Variants in EXOC7 observed in about 807,000 individuals in gnomAD.
EXOC7 encodes exocyst complex component Exo70.
EXOC7 carries 51 observed loss-of-function variants against 87.6 expected under a neutral mutation model. The ratio of observed to expected loss-of-function variants is 0.58; its 90% confidence interval spans 0.46 to 0.73. The LOEUF (loss-of-function observed/expected upper bound fraction) is 0.73. EXOC7 is among the 30% of genes least tolerant of loss of function. EXOC7 has a pLI of 0.00. For missense variants in EXOC7, 744 were observed against 888.4 expected (o/e 0.84, Z 2.07); for synonymous variants, 327 against 357.1 (o/e 0.92, Z 0.95).
chr17:76,102,506 C>T (rs1265051612), intron 2 of EXOC7, among the ~76,000 whole-genome samples: 1 of 151,536 alleles, frequency 6.6e-6, no homozygotes. Flanking sequence ...GCTAGGAGGC[C>T]GAGGCAGGAG....
chr17:76,085,249 T>G, intron 15 of EXOC7, 65 bp downstream of exon 15: 39 of 1,315,942 alleles, frequency 3.0e-5, no homozygotes, highest in Non-Finnish European at 3.8e-5. Flanking sequence ...CCTGAGGTGC[T>G]GAGAAGGAAG....
intron 6 of EXOC7, 47 bp downstream of exon 6, chr17:76,094,367 C>A: frequency 1.3e-6 from 2 of 1,584,512 alleles, no homozygotes; most frequent in South Asian, 2.3e-5. Flanking sequence ...AGTACAGTCC[C>A]AGTCAGCCTC....
In EXOC7 at chr17:76,081,069, G is replaced by T; in HGVS notation, c.*2579C>A. 1 of 584,884 alleles carries T rather than the reference G, an allele frequency of 1.7e-6. No homozygotes were observed. The allele number at this position is 584,884 out of a possible 1,614,324, so 36.2% of individuals were successfully genotyped here. On this transcript the variant is annotated 3_prime_UTR_variant, in exon 19 of 19. Coordinates refer to ENST00000589210, the MANE Select transcript of EXOC7 (RefSeq NM_001013839.4). ...ACAATGAAAGCTCATCTATGAATCT[G>T]ATAAAGGCCTTCCTTCAACTGGAGA...
In EXOC7 at chr17:76,083,610, C is replaced by T. The variant is rs758117130; in HGVS notation, c.*38G>A. ...ACACTGGTTTATCTGTCCAATGACA[C>T]GCCAGTCTGGTGGAACCAGGCAGGG... is the stretch of plus-strand genomic sequence containing the variant. On this transcript the variant is annotated 3_prime_UTR_variant, in exon 19 of 19. Coordinates refer to ENST00000589210, the MANE Select transcript of EXOC7 (RefSeq NM_001013839.4). 56 of 1,593,160 alleles carry T rather than the reference C, an allele frequency of 3.5e-5. No individual in the cohort carries two copies. Among genetic ancestry groups the T allele is most frequent in the East Asian group, 2.2e-4 (10 of 44,798 alleles).
At chr17:76,103,218 A>C (rs970761959) in intron 2 of EXOC7, 143 bp downstream of exon 2, 1 of 722,962 alleles carries the variant, frequency 1.4e-6, no homozygotes, top group Admixed American at 2.3e-5. Context: ...GAGATGCCAA[A>C]CTGTTGCTAG....
intron 14 of EXOC7, 46 bp downstream of exon 14, chr17:76,085,631 C>T (rs751084534): frequency 3.9e-5 from 63 of 1,613,386 alleles, no homozygotes; most frequent in Non-Finnish European, 3.8e-5. Context: ...GCTGCACAGC[C>T]GAGGGGAAGG....
chr17:76,082,270 AC>A lies in EXOC7; in HGVS notation c.*1377del. ...CCCAGGTGACCTCAATCCCCTGATAACCCATGCCTTGCACAGCCTAAGAGGG... is the reference window on the plus strand; with the variant it reads ...CCCAGGTGACCTCAATCCCCTGATAACCATGCCTTGCACAGCCTAAGAGGG... On this transcript the variant is annotated 3_prime_UTR_variant, in exon 19 of 19. Coordinates refer to ENST00000589210, the MANE Select transcript of EXOC7 (RefSeq NM_001013839.4). 1.3e-6 allele frequency: 1 copy of A among 773,350 alleles called. No individual in the cohort carries two copies. The highest frequency in any genetic ancestry group is 2.0e-6 in the Non-Finnish European group (1 of 497,538). 47.9% of individuals were successfully genotyped at this position (773,350 alleles called of 1,614,324 possible). A position where few individuals can be genotyped will look rare whatever the true frequency, so the allele number is the denominator to read the frequency against.
At chr17:76,102,031 T>C (rs966694653) in intron 2 of EXOC7, among the ~76,000 whole-genome samples, 168 bp from the exon 3 acceptor site, 5 of 152,174 alleles carry the variant, frequency 3.3e-5, no homozygotes, top group Admixed American at 1.3e-4. Context: ...GCACCTATCA[T>C]GTGCCTGGCA....
At chr17:76,091,598 T>G in intron 6 of EXOC7, 2 of 200,142 alleles carry the variant, frequency 1.0e-5, no homozygotes, top group Admixed American at 5.7e-5. Flanking sequence ...AAAGCTCGCA[T>G]ACCCAGAGGG....
Position 76,083,633 on chromosome 17 carries a change from G to A in EXOC7, c.*15C>T. On this transcript the variant is annotated 3_prime_UTR_variant, in exon 19 of 19. Coordinates refer to ENST00000589210, the MANE Select transcript of EXOC7 (RefSeq NM_001013839.4). Reference sequence around the variant, plus strand: ...CACGCCAGTCTGGTGGAACCAGGCAGGGCTAGCAGCAGGCTCAGGCAGAGG... The same window carrying A: ...CACGCCAGTCTGGTGGAACCAGGCAAGGCTAGCAGCAGGCTCAGGCAGAGG... 1 of 1,612,842 alleles carries A rather than the reference G, an allele frequency of 6.2e-7. No homozygotes were observed. Among genetic ancestry groups the A allele is most frequent in the Non-Finnish European group, 8.5e-7 (1 of 1,179,042 alleles).
intron 14 of EXOC7, 72 bp from the exon 15 acceptor site, chr17:76,085,481 C>T (rs1454077467): frequency 1.8e-5 from 28 of 1,525,396 alleles, no homozygotes; most frequent in East Asian, 1.6e-4. Flanking sequence ...GCGGCAATGC[C>T]GGGAGGGCCT....
In EXOC7 at chr17:76,082,321, G is replaced by A. The variant is rs1215859187; in HGVS notation, c.*1327C>T. The A allele has an allele frequency of 7.4e-6, 7 of 944,590 alleles. No homozygotes were observed. Among genetic ancestry groups the A allele is most frequent in the Non-Finnish European group, 1.1e-5 (7 of 645,424 alleles). The allele number at this position is 944,590 out of a possible 1,614,324, so 58.5% of individuals were successfully genotyped here. A position where few individuals can be genotyped will look rare whatever the true frequency, so the allele number is the denominator to read the frequency against. On this transcript the variant is annotated 3_prime_UTR_variant, in exon 19 of 19. Coordinates refer to ENST00000589210, the MANE Select transcript of EXOC7 (RefSeq NM_001013839.4). ...GTGTTTCTTCAACTGAAGATGGCCT[G>A]AAATGGGCCAGACCCAAATTTTCAT...
In EXOC7 at chr17:76,083,727, T is replaced by C; in HGVS notation, c.1976A>G (p.Lys659Arg). 6.2e-7 allele frequency: 1 copy of C among 1,613,382 alleles called. No individual in the cohort carries two copies. Among genetic ancestry groups the C allele is most frequent in the East Asian group, 2.2e-5 (1 of 44,876 alleles). ...LQKFGSVPFT[K>R]NPEKYIKYGV... Reference sequence around the variant, plus strand: ...GTACTTGATGTACTTCTCCGGGTTCTTGGTGAAGGGCACGCTGCCAAACCT... The same window carrying C: ...GTACTTGATGTACTTCTCCGGGTTCCTGGTGAAGGGCACGCTGCCAAACCT... Residue 659 changes from lysine to arginine, a missense_variant, in exon 19 of 19, where the codon AAG (lysine) becomes AGG (arginine). By Grantham distance (26) the Lys-to-Arg change is conservative. Around this residue, in one of 3 missense-constraint regions of EXOC7, gnomAD observed 228 missense variants for 298.6 expected, o/e 0.76. Transcript: ENST00000589210.
intron 4 of EXOC7, among the ~76,000 whole-genome samples, chr17:76,100,709 G>A (rs551741131): frequency 4.6e-5 from 7 of 152,066 alleles, no homozygotes; most frequent in East Asian, 3.9e-4. Flanking sequence ...AAAATCAAAC[G>A]TGGCTGGGTG....
At chr17:76,102,025 C>G (rs1567993121) in intron 2 of EXOC7, among the ~76,000 whole-genome samples, 162 bp from the exon 3 acceptor site, 2 of 152,132 alleles carry the variant, frequency 1.3e-5, no homozygotes, top group Non-Finnish European at 2.9e-5. Context: ...TCTTCAGCAC[C>G]TATCATGTGC....
rs552422403 is a variant in EXOC7, at chr17:76,088,560, G to A, written c.1203C>T (p.Gly401=). Residue 401 remains glycine, a splice_region_variant and synonymous_variant, in exon 10 of 19, where the codon GGC becomes GGT. Coordinates refer to ENST00000589210, the MANE Select transcript of EXOC7 (RefSeq NM_001013839.4). ...GCTTGTTCTTTGTGCTGGCAGCCGT[G>A]CCCTGAGGAAGCACAGGGGAGCCCC... ...TKPEFDQVLQ[G]TAASTKNKLP... is the part of the protein sequence containing the mutation. 3.7e-6 allele frequency: 6 copies of A among 1,613,126 alleles called. No individual in the cohort carries two copies. The highest frequency in any genetic ancestry group is 1.7e-5 in the Admixed American group (1 of 59,918).
In EXOC7 at chr17:76,081,500, C is replaced by T. The variant is rs771757847; in HGVS notation, c.*2148G>A. On this transcript the variant is annotated 3_prime_UTR_variant, in exon 19 of 19. Coordinates refer to ENST00000589210, the MANE Select transcript of EXOC7 (RefSeq NM_001013839.4). The stretch of plus-strand genomic sequence containing the variant: ...CCAGGCCCCATGCCCCCGATGCCCA[C>T]CTCCTTCCCCCCCGCCGGGAAGGCC... 4 of 1,610,372 alleles carry T rather than the reference C, an allele frequency of 2.5e-6. No individual in the cohort carries two copies. The highest frequency in any genetic ancestry group is 2.2e-5 in the East Asian group (1 of 44,844).
intron 6 of EXOC7, chr17:76,093,258 G>C (rs929445681): frequency 1.3e-5 from 2 of 152,682 alleles, no homozygotes; most frequent in Non-Finnish European, 2.9e-5. Context: ...CCCACAGGCT[G>C]GGCTGGCAGT....
intron 15 of EXOC7, 71 bp downstream of exon 15, chr17:76,085,243 A>G: frequency 8.1e-7 from 1 of 1,241,028 alleles, no homozygotes; most frequent in Non-Finnish European, 1.1e-6. Context: ...CTGTGTCCTG[A>G]GGTGCTGAGA....
Sources: gnomAD v4.1 joint callset for allele counts (sites outside exome capture counted in the v4.1 genomes callset) on GRCh38, gnomAD v4.1.1 for gene constraint, gnomAD v4.1.1 regional missense constraint, MANE v1.5 for transcripts, NCBI Gene and HGNC (gene_info 2026-07-23, HGNC 2026-07-21) for gene names.